The following DTWD2 variants were observed in gnomAD, a reference collection of about 807,000 sequenced individuals.
The protein encoded by DTWD2 is tRNA-uridine aminocarboxypropyltransferase 2.
Under a neutral mutation model 31.8 loss-of-function variants are expected in DTWD2, and 39 were observed. The ratio of observed to expected loss-of-function variants is 1.22; its 90% CI spans 0.95 to 1.60. DTWD2 has a LOEUF of 1.60. Among genes scored for constraint, DTWD2 ranks in the 40% most tolerant of loss-of-function variants. The pLI, the probability that DTWD2 is intolerant of heterozygous loss-of-function variation, is 0.00. For missense variants in DTWD2, 515 were observed against 381.5 expected (o/e 1.35, Z -2.92); for synonymous variants, 180 against 142.8 (o/e 1.26, Z -1.86).
At chr5:118,975,019 A>C (rs376646791) in intron 1 of DTWD2, among the ~76,000 whole-genome samples, 2 of 151,924 alleles carry the variant, frequency 1.3e-5, no homozygotes, top group African/African-American at 4.8e-5. Flanking sequence ...TGCTCTTCTC[A>C]AGGAGTATCT....
intron 5 of DTWD2, among the ~76,000 whole-genome samples, chr5:118,845,833 CA>C (rs1427302875): frequency 6.6e-6 from 1 of 152,162 alleles, no homozygotes; most frequent in Non-Finnish European, 1.5e-5. Context: ...CAAGTTGTCA[CA>C]ATAAGGATTC....
chr5:118,842,869 C>A (rs1337783106), intron 5 of DTWD2, among the ~76,000 whole-genome samples: 3 of 151,548 alleles, frequency 2.0e-5, no homozygotes, highest in Non-Finnish European at 2.9e-5. Flanking sequence ...ATCGCTTGAG[C>A]CTGGGAGGTC....
At chr5:118,868,242 C>T (rs1479736837) in intron 4 of DTWD2, among the ~76,000 whole-genome samples, 1 of 151,788 alleles carries the variant, frequency 6.6e-6, no homozygotes, top group South Asian at 2.1e-4. Context: ...CCTTAGCTTA[C>T]ACCATACACA....
At chr5:118,983,445 A>G (rs535768383) in intron 1 of DTWD2, among the ~76,000 whole-genome samples, 2 of 152,270 alleles carry the variant, frequency 1.3e-5, no homozygotes, top group East Asian at 3.9e-4. Context: ...GTAGAGTGCC[A>G]GTTTGTGGCT....
rs1754367396 is a variant in DTWD2, at chr5:118,947,585, G to A, written c.219-2936C>T. Among the ~76,000 whole-genome samples the A allele has an allele frequency of 1.3e-5, 2 of 152,146 alleles. 1 individual carries two copies. The highest frequency in any genetic ancestry group is 4.1e-4 in the South Asian group (2 of 4,824). On this transcript the variant is annotated intron_variant, in intron 1 of 5. Transcript: ENST00000510708. Reference sequence around the variant, plus strand: ...CTTCTCTCTGCCAGTACAGTCAGGGGTTTTTATGGGTACAGGATGGGGGTG... The same window carrying A: ...CTTCTCTCTGCCAGTACAGTCAGGGATTTTTATGGGTACAGGATGGGGGTG...
intron 3 of DTWD2, 45 bp downstream of exon 3, chr5:118,939,151 C>T (rs1032437505): frequency 2.7e-5 from 41 of 1,532,232 alleles, no homozygotes; most frequent in Non-Finnish European, 3.4e-5. Context: ...TTTTTAAGAT[C>T]TGTGTAGAAA....
intron 2 of DTWD2, among the ~76,000 whole-genome samples, chr5:118,942,166 A>G (rs1754222256): frequency 6.6e-6 from 1 of 152,130 alleles, no homozygotes; most frequent in Non-Finnish European, 1.5e-5. Context: ...TGCTGAAGTT[A>G]AGCACAGGCA....
intron 4 of DTWD2, among the ~76,000 whole-genome samples, chr5:118,915,342 C>T (rs1222493284): frequency 6.6e-6 from 1 of 151,914 alleles, no homozygotes; most frequent in East Asian, 1.9e-4. Flanking sequence ...GGACAAGCCC[C>T]CAAAATAACC....
intron 1 of DTWD2, among the ~76,000 whole-genome samples, chr5:118,958,211 T>C (rs1580437163): frequency 6.6e-6 from 1 of 152,070 alleles, no homozygotes; most frequent in Non-Finnish European, 1.5e-5. Flanking sequence ...TCCCAGCACT[T>C]TGGGGGGCCA....
rs548480704 is a variant in DTWD2, at chr5:118,965,172, CT to C, written c.219-20524del. ...GGAGCCCCTCCGCCCGGCAGCTGCC[CT>C]GTCTGAGAAGTGAGGAGCCCCTCCG... On this transcript the variant is annotated intron_variant, in intron 1 of 5. Transcript: ENST00000510708. Among the ~76,000 whole-genome samples the C allele has an allele frequency of 1.7e-3, 264 of 151,428 alleles. 2 individuals are homozygous for C. Among genetic ancestry groups the C allele is most frequent in the African/African-American group, 5.9e-3 (243 of 41,180 alleles).
chr5:118,986,710 T>C (rs1344563310), intron 1 of DTWD2, among the ~76,000 whole-genome samples: 1 of 152,164 alleles, frequency 6.6e-6, no homozygotes, highest in African/African-American at 2.4e-5. Flanking sequence ...TCTCCATAAT[T>C]CTAGAATTAT....
intron 4 of DTWD2, among the ~76,000 whole-genome samples, chr5:118,914,823 T>C (rs901488115): frequency 2.6e-5 from 4 of 152,318 alleles, no homozygotes; most frequent in African/African-American, 9.6e-5. Context: ...TTCACTAAAT[T>C]ATGAAATCAA....
At chr5:118,873,686 C>T (rs1006579343) in intron 4 of DTWD2, among the ~76,000 whole-genome samples, 5 of 152,208 alleles carry the variant, frequency 3.3e-5, no homozygotes, top group South Asian at 2.1e-4. Context: ...CAGCATGGCC[C>T]GCTTTCACCA....
intron 4 of DTWD2, among the ~76,000 whole-genome samples, chr5:118,895,832 A>G (rs985208268): frequency 1.3e-5 from 2 of 152,150 alleles, no homozygotes; most frequent in African/African-American, 4.8e-5. Context: ...TAGAACTATT[A>G]TATATCCCTA....
At chr5:118,876,936 A>G (rs1752634361) in intron 4 of DTWD2, among the ~76,000 whole-genome samples, 1 of 152,190 alleles carries the variant, frequency 6.6e-6, no homozygotes, top group Non-Finnish European at 1.5e-5. Context: ...AAAGAAAACT[A>G]CAGGCAACTA....
chr5:118,875,843 G>A (rs1328935646), intron 4 of DTWD2, among the ~76,000 whole-genome samples: 1 of 152,178 alleles, frequency 6.6e-6, no homozygotes, highest in African/African-American at 2.4e-5. Context: ...CCTGAACTCA[G>A]CACTGGATCG....
At chr5:118,897,935 C>T (rs1753118419) in intron 4 of DTWD2, among the ~76,000 whole-genome samples, 1 of 152,178 alleles carries the variant, frequency 6.6e-6, no homozygotes, top group African/African-American at 2.4e-5. Context: ...GTGTCACAAT[C>T]ATGGCTCAGC....
At chr5:118,944,202 G>A (rs1301196431) in intron 2 of DTWD2, among the ~76,000 whole-genome samples, 3 of 152,138 alleles carry the variant, frequency 2.0e-5, no homozygotes, top group Non-Finnish European at 2.9e-5. Flanking sequence ...ACTGGAGCAA[G>A]AAAAGACATC....
intron 4 of DTWD2, among the ~76,000 whole-genome samples, chr5:118,896,154 G>A (rs530349486): frequency 3.8e-4 from 58 of 152,212 alleles, no homozygotes; most frequent in Middle Eastern, 3.4e-3. Flanking sequence ...AGGATTCAAG[G>A]ATTTTTCATG....
Sources: gnomAD v4.1 joint callset for allele counts (sites outside exome capture counted in the v4.1 genomes callset) on GRCh38, gnomAD v4.1.1 for gene constraint, MANE v1.5 for transcripts, NCBI Gene and HGNC (gene_info 2026-07-23, HGNC 2026-07-21) for gene names.